The following IQCK variants were observed in gnomAD, a reference collection of about 807,000 sequenced individuals.
The protein encoded by IQCK is IQ domain-containing protein K.
In IQCK, 29 loss-of-function variants were observed where a neutral mutation model predicts 28.1. The ratio of observed to expected loss-of-function variants is 1.03; its 90% CI spans 0.77 to 1.41. The LOEUF is 1.41. Among genes scored for constraint, IQCK ranks in the 40% most tolerant of loss-of-function variants. The pLI, the probability that IQCK is intolerant of heterozygous loss-of-function variation, is 0.00. For missense variants in IQCK, 359 were observed against 314.7 expected (o/e 1.14, Z -1.07); for synonymous variants, 113 against 115.1 (o/e 0.98, Z 0.12).
chr16:19,836,551 A>G (rs1488101834), intron 9 of IQCK, among the ~76,000 whole-genome samples: 1 of 152,176 alleles, frequency 6.6e-6, no homozygotes, highest in African/African-American at 2.4e-5. Flanking sequence ...GACCACTTCC[A>G]ACTTCATGAG....
intron 7 of IQCK, among the ~76,000 whole-genome samples, chr16:19,823,007 A>G (rs2056097228): frequency 6.6e-6 from 1 of 152,008 alleles, no homozygotes; most frequent in Non-Finnish European, 1.5e-5. Context: ...ACGAGAGGGA[A>G]TGGTAGTTCT....
chr16:19,856,692 T>A, exon 10 of IQCK: 2 of 645,636 alleles, frequency 3.1e-6, no homozygotes, highest in Non-Finnish European at 5.3e-6. Flanking sequence ...AAGATAGGAT[T>A]CATTGCAAAC....
chr16:19,730,271 A>G (rs1176270204), intron 1 of IQCK, among the ~76,000 whole-genome samples, 159 bp from the exon 2 acceptor site: 3 of 152,184 alleles, frequency 2.0e-5, no homozygotes, highest in African/African-American at 7.2e-5. Flanking sequence ...CTGATTTTAA[A>G]TACCATTAAA....
At chr16:19,806,428 G>A (rs1250247298) in intron 7 of IQCK, among the ~76,000 whole-genome samples, 2 of 152,062 alleles carry the variant, frequency 1.3e-5, no homozygotes, top group East Asian at 3.9e-4. Flanking sequence ...GCTCACACCT[G>A]TAATTTCAGC....
intron 6 of IQCK, among the ~76,000 whole-genome samples, chr16:19,775,502 A>G (rs1282188423): frequency 1.3e-5 from 2 of 152,152 alleles, no homozygotes; most frequent in Non-Finnish European, 2.9e-5. Flanking sequence ...ACCTAATTTA[A>G]CTTACATCGC....
At chr16:19,736,692 T>C (rs1471881474) in intron 4 of IQCK, among the ~76,000 whole-genome samples, 1 of 152,192 alleles carries the variant, frequency 6.6e-6, no homozygotes, top group Non-Finnish European at 1.5e-5. Flanking sequence ...TGCTGAGTGC[T>C]GCATCTTCCA....
Position 19,763,917 on chromosome 16 carries a change from T to C in IQCK, c.527+17T>C, listed in dbSNP as rs376451122. On this transcript the variant is annotated intron_variant, in intron 5 of 7. Coordinates refer to ENST00000564186, the Ensembl canonical transcript of IQCK. ...GTTATACAAGTAAGTTGTTCGTGTC[T>C]GACTATTCAGTGATCCTAAGAATTC... is the stretch of plus-strand genomic sequence containing the variant. 2 of 1,611,416 alleles carry C rather than the reference T, an allele frequency of 1.2e-6. No homozygotes were observed. Among genetic ancestry groups the C allele is most frequent in the Non-Finnish European group, 1.7e-6 (2 of 1,177,436 alleles).
intron 6 of IQCK, among the ~76,000 whole-genome samples, chr16:19,773,331 G>A (rs1419765660): frequency 6.6e-6 from 1 of 152,144 alleles, no homozygotes. Context: ...CTCTGAATGT[G>A]CACAACTTCC....
At chr16:19,817,806 A>G (rs1257100294) in intron 7 of IQCK, among the ~76,000 whole-genome samples, 1 of 152,228 alleles carries the variant, frequency 6.6e-6, no homozygotes, top group Non-Finnish European at 1.5e-5. Flanking sequence ...AATCCAGTCC[A>G]GAAAAACATG....
chr16:19,768,449 T>C (rs112789101), intron 6 of IQCK, among the ~76,000 whole-genome samples: 8,005 of 152,200 alleles, frequency 0.053, 675 homozygotes, highest in African/African-American at 0.18. Context: ...AAACCAGTAT[T>C]CAAATCTCCA....
intron 1 of IQCK, among the ~76,000 whole-genome samples, chr16:19,720,757 C>T (rs1977467138): frequency 6.6e-6 from 1 of 152,176 alleles, no homozygotes; most frequent in African/African-American, 2.4e-5. Context: ...TGGCTCACAC[C>T]TGTAATCCCA....
intron 4 of IQCK, among the ~76,000 whole-genome samples, chr16:19,749,434 G>A (rs570240115): frequency 6.6e-6 from 1 of 152,246 alleles, no homozygotes; most frequent in South Asian, 2.1e-4. Context: ...GAATATTTGT[G>A]ACACGAGCCT....
chr16:19,805,883 A>G (rs2151742686), intron 7 of IQCK, among the ~76,000 whole-genome samples: 1 of 152,010 alleles, frequency 6.6e-6, no homozygotes, highest in Admixed American at 6.6e-5. Context: ...GGGGCTAGGG[A>G]ATGGGTGCTG....
intron 1 of IQCK, among the ~76,000 whole-genome samples, chr16:19,729,385 C>T (rs941690547): frequency 5.3e-5 from 8 of 151,912 alleles, no homozygotes; most frequent in African/African-American, 1.4e-4. Flanking sequence ...GGATTATAGG[C>T]GTGAGCCACC....
chr16:19,756,213 C>A (rs1041667047), intron 4 of IQCK, among the ~76,000 whole-genome samples: 2 of 152,088 alleles, frequency 1.3e-5, no homozygotes, highest in African/African-American at 4.8e-5. Flanking sequence ...TCACCATATT[C>A]TTTTGATTGG....
chr16:19,836,799 A>G (rs1044331423), intron 9 of IQCK, among the ~76,000 whole-genome samples: 1 of 152,218 alleles, frequency 6.6e-6, no homozygotes, highest in Non-Finnish European at 1.5e-5. Context: ...GGCGTTAGCC[A>G]CCGTGCCTGG....
intron 4 of IQCK, among the ~76,000 whole-genome samples, chr16:19,737,459 C>A (rs1156536077): frequency 6.6e-6 from 1 of 152,160 alleles, no homozygotes; most frequent in Non-Finnish European, 1.5e-5. Context: ...CCCCTAATTG[C>A]CTGCCACTTA....
At chr16:19,723,187 C>T (rs1977550992) in intron 1 of IQCK, among the ~76,000 whole-genome samples, 1 of 140,880 alleles carries the variant, frequency 7.1e-6, no homozygotes, top group South Asian at 2.5e-4. Context: ...GCTGCTGTGG[C>T]TTGTTAATTG....
At chr16:19,772,150 T>G (rs935679166) in intron 6 of IQCK, among the ~76,000 whole-genome samples, 2 of 152,222 alleles carry the variant, frequency 1.3e-5, no homozygotes, top group African/African-American at 4.8e-5. Context: ...ATTGTTTCCT[T>G]TTTAAAGAAT....
Sources: allele counts gnomAD v4.1 joint callset (sites outside exome capture counted in the v4.1 genomes callset), GRCh38; gene constraint gnomAD v4.1.1; transcripts MANE v1.5; gene names NCBI Gene and HGNC (gene_info 2026-07-23, HGNC 2026-07-21).